Variants in SAP130 observed in about 807,000 individuals in gnomAD.
SAP130 encodes Sin3A associated protein 130, also known as histone deacetylase complex subunit SAP130.
In SAP130, 16 loss-of-function variants were observed where a neutral mutation model predicts 103.2. The observed-to-expected ratio is 0.16, with a 90% confidence interval of 0.10 to 0.24. The LOEUF is 0.24. Ranked by LOEUF, SAP130 falls within the 10% of genes least tolerant of loss-of-function variation. SAP130 has a pLI of 1.00. For missense variants in SAP130, 990 were observed against 1,359.7 expected, an observed-to-expected ratio of 0.73 and a Z score of 4.28; for synonymous variants, 477 against 497.0, an observed-to-expected ratio of 0.96 and a Z score of 0.53.
At chr2:127,949,118 T>G (rs548737518) in intron 18 of SAP130, among the ~76,000 whole-genome samples, 1 of 152,314 alleles carries the variant, frequency 6.6e-6, no homozygotes, top group South Asian at 2.1e-4. Flanking sequence ...TCTGCTTACT[T>G]AGTCAGTACT....
At chr2:127,983,019 G>C (rs994800146) in intron 14 of SAP130, among the ~76,000 whole-genome samples, 1 of 152,118 alleles carries the variant, frequency 6.6e-6, no homozygotes, top group African/African-American at 2.4e-5. Context: ...GAGGGTGGAG[G>C]CAGGAGAAGC....
chr2:127,994,000 A>G (rs1219035805), intron 11 of SAP130, among the ~76,000 whole-genome samples: 1 of 152,214 alleles, frequency 6.6e-6, no homozygotes, highest in Non-Finnish European at 1.5e-5. Context: ...GATTATAAAC[A>G]AATCTAACTC....
At chr2:127,982,520 A>C (rs1169569373) in intron 14 of SAP130, among the ~76,000 whole-genome samples, 1 of 152,200 alleles carries the variant, frequency 6.6e-6, no homozygotes, top group Admixed American at 6.5e-5. Context: ...CAATTTGTCG[A>C]CTAACAGTGA....
chr2:127,941,990 C>T lies in SAP130; in HGVS notation c.*16G>A, dbSNP rs374356014. 643 of 1,304,128 alleles carry T rather than the reference C, an allele frequency of 4.9e-4. No individual in the cohort carries two copies. The highest frequency in any genetic ancestry group is 8.2e-4 in the Admixed American group (29 of 35,236). The allele number at this position is 1,304,128 out of a possible 1,614,324, so 80.8% of individuals were successfully genotyped here. A position where few individuals can be genotyped will look rare whatever the true frequency, so the allele number is the denominator to read the frequency against. ...TTCTTCATAAATTTGCTTCCAATCT[C>T]CTGATTGTTCTGGGTCTAGACTTTT... On this transcript the variant is annotated 3_prime_UTR_variant, in exon 21 of 21. Transcript: ENST00000643581.
intron 2 of SAP130, among the ~76,000 whole-genome samples, chr2:128,023,890 G>A (rs533480182): frequency 6.7e-6 from 1 of 150,256 alleles, no homozygotes; most frequent in East Asian, 1.9e-4. Flanking sequence ...AGTTGTTATG[G>A]AAGATAGAGT....
intron 2 of SAP130, among the ~76,000 whole-genome samples, chr2:128,025,903 C>A (rs1054260389): frequency 4.6e-5 from 7 of 152,188 alleles, no homozygotes; most frequent in African/African-American, 1.4e-4. Context: ...ATGCTATACT[C>A]CTGGACATTA....
At chr2:128,017,943 T>C (rs1684888655) in intron 2 of SAP130, 28 bp from the exon 3 acceptor site, 3 of 1,543,202 alleles carry the variant, frequency 1.9e-6, no homozygotes, top group Non-Finnish European at 2.7e-6. Flanking sequence ...AGTGAGACAG[T>C]ATGTCACAGT....
chr2:127,956,969 G>A (rs1475641244), intron 15 of SAP130, among the ~76,000 whole-genome samples: 4 of 152,164 alleles, frequency 2.6e-5, no homozygotes, highest in African/African-American at 9.7e-5. Context: ...ATTCTCAGAT[G>A]AGAAATTGTA....
At chr2:128,012,951 G>A (rs1338500120) in intron 6 of SAP130, 79 bp downstream of exon 6, 36 of 1,350,616 alleles carry the variant, frequency 2.7e-5, no homozygotes, top group Non-Finnish European at 3.4e-5. Context: ...GAAAGTCCCT[G>A]AGGTCAAGGA....
intron 1 of SAP130, chr2:128,027,281 G>C (rs2105278139): frequency 8.6e-7 from 1 of 1,166,302 alleles, no homozygotes; most frequent in African/African-American, 1.6e-5. Flanking sequence ...CCGCCGCTGT[G>C]CTCGCAGTCC....
rs111985167 is a variant in SAP130, at chr2:127,945,501, A to C, written c.2856T>G (p.Ala952=). The part of the protein sequence containing the change: ...IANQKGVSCR[A]QGWKVHLCAA... ...CACAGAGGTGGACTTTCCAGCCTTG[A>C]GCACGACAGGATACTCCTTTCTGAT... is the stretch of plus-strand genomic sequence containing the variant. The change falls in exon 19 of 21, where the codon GCT becomes GCG. Residue 952 remains alanine, a synonymous_variant. Transcript: ENST00000643581. The C allele has an allele frequency of 6.2e-7, 1 of 1,613,648 alleles. No individual in the cohort carries two copies.
At chr2:127,947,607 C>G (rs1679172182) in intron 18 of SAP130, among the ~76,000 whole-genome samples, 1 of 152,180 alleles carries the variant, frequency 6.6e-6, no homozygotes, top group Non-Finnish European at 1.5e-5. Context: ...GGATCATTAC[C>G]TGGTCAGCCG....
At chr2:128,011,522 T>C (rs1329241042) in intron 6 of SAP130, among the ~76,000 whole-genome samples, 2 of 152,198 alleles carry the variant, frequency 1.3e-5, no homozygotes, top group African/African-American at 4.8e-5. Flanking sequence ...TGTCTCACAC[T>C]AGGGCTACAG....
chr2:127,964,400 A>G (rs1680482784), intron 15 of SAP130, among the ~76,000 whole-genome samples: 1 of 148,502 alleles, frequency 6.7e-6, no homozygotes, highest in Admixed American at 6.9e-5. Flanking sequence ...AGGCTGAGGC[A>G]GGAGAATCAC....
At chr2:128,019,887 A>G (rs989045195) in intron 2 of SAP130, among the ~76,000 whole-genome samples, 26 of 152,208 alleles carry the variant, frequency 1.7e-4, no homozygotes, top group African/African-American at 4.8e-5. Flanking sequence ...GTCAAAAAAA[A>G]AAAATTAAGT....
Position 127,942,990 on chromosome 2 carries a change from AAAAT to A in SAP130, c.2902-457_2902-454del, listed in dbSNP as rs57077932. Among the ~76,000 whole-genome samples the A allele has an allele frequency of 1.1e-4, 16 of 152,100 alleles. No homozygotes were observed. Among genetic ancestry groups the A allele is most frequent in the African/African-American group, 3.4e-4 (14 of 41,524 alleles). On this transcript the variant is annotated intron_variant, in intron 19 of 20. Coordinates refer to ENST00000643581, the MANE Select transcript of SAP130 (RefSeq NM_001330301.2). This position sits in a 1 kb window ranked among gnomAD's most constrained non-coding sequence, Gnocchi z 4.8. The stretch of plus-strand genomic sequence containing the variant: ...GCAACAAGAGCGAAATTCCATCTAA[AAAAT>A]AAATAAATAAATAAATAAATAAAAT...
chr2:127,985,420 A>G (rs1682306165), intron 14 of SAP130, among the ~76,000 whole-genome samples: 1 of 152,204 alleles, frequency 6.6e-6, no homozygotes, highest in African/African-American at 2.4e-5. Flanking sequence ...TTTGATGTTG[A>G]TGCTATTAGC....
chr2:128,013,289 A>T (rs1684531770), intron 5 of SAP130, 135 bp from the exon 6 acceptor site: 1 of 722,218 alleles, frequency 1.4e-6, no homozygotes, highest in South Asian at 2.6e-5. Flanking sequence ...ATTTCATCAC[A>T]GAGAAAACAA....
intron 19 of SAP130, among the ~76,000 whole-genome samples, chr2:127,944,029 A>G (rs968475943): frequency 1.3e-5 from 2 of 152,076 alleles, no homozygotes; most frequent in African/African-American, 2.4e-5. Context: ...TATTCTATAA[A>G]CTTTGTTTTC....
Sources: gnomAD v4.1 joint callset for allele counts (sites outside exome capture counted in the v4.1 genomes callset) on GRCh38, gnomAD v4.1.1 for gene constraint, Gnocchi (gnomAD v3.1) non-coding constraint, MANE v1.5 for transcripts, NCBI Gene and HGNC (gene_info 2026-07-23, HGNC 2026-07-21) for gene names.